The following ALK variants were observed in gnomAD, a reference collection of about 807,000 sequenced individuals.
ALK encodes ALK receptor tyrosine kinase, also known as ALK tyrosine kinase receptor.
A neutral mutation model predicts 163.1 loss-of-function variants in ALK; 74 were observed. The ratio of observed to expected loss-of-function variants is 0.45; its 90% CI spans 0.38 to 0.55. The LOEUF (loss-of-function observed/expected upper bound fraction) is 0.55. Among genes scored for constraint, ALK ranks in the 20% least tolerant of loss-of-function variants. The pLI is 0.00. For missense variants in ALK, 2,063 were observed against 2,105.3 expected (o/e 0.98, Z 0.39); for synonymous variants, 960 against 843.2 (o/e 1.14, Z -2.40).
intron 11 of ALK, among the ~76,000 whole-genome samples, chr2:29,265,849 G>A (rs1665208305): frequency 6.6e-6 from 1 of 152,134 alleles, no homozygotes; most frequent in Non-Finnish European, 1.5e-5. Flanking sequence ...TTAGCTGGGT[G>A]TGGTGGCAGG....
At chr2:29,598,237 G>A (rs1218648223) in intron 3 of ALK, among the ~76,000 whole-genome samples, 3 of 152,160 alleles carry the variant, frequency 2.0e-5, no homozygotes, top group Non-Finnish European at 2.9e-5. Context: ...TGTTGGCCAG[G>A]CTGCTCTCAA....
chr2:29,563,585 A>T (rs1253644315), intron 3 of ALK, among the ~76,000 whole-genome samples: 1 of 152,208 alleles, frequency 6.6e-6, no homozygotes, highest in African/African-American at 2.4e-5. Context: ...TTTGTAACAT[A>T]CAAACCAAGA....
chr2:29,839,093 G>A (rs1023424707), intron 1 of ALK, among the ~76,000 whole-genome samples: 6 of 152,020 alleles, frequency 3.9e-5, no homozygotes, highest in Non-Finnish European at 8.8e-5. Context: ...TATATATTCT[G>A]AAGTTCTAGG....
chr2:29,628,616 T>A (rs1012895207), intron 3 of ALK, among the ~76,000 whole-genome samples: 1 of 152,216 alleles, frequency 6.6e-6, no homozygotes, highest in African/African-American at 2.4e-5. Context: ...ACAGTTCTAT[T>A]TTAAAACTTA....
intron 4 of ALK, among the ~76,000 whole-genome samples, chr2:29,471,184 T>C (rs1671339226): frequency 6.6e-6 from 1 of 152,226 alleles, no homozygotes; most frequent in African/African-American, 2.4e-5. Context: ...CAGGCCAAGT[T>C]GGCTTTATCA....
chr2:29,897,217 G>C (rs1313069389), intron 1 of ALK, among the ~76,000 whole-genome samples: 1 of 152,068 alleles, frequency 6.6e-6, no homozygotes, highest in East Asian at 1.9e-4. Context: ...CTACTCGGAA[G>C]GCTGAGGCAG....
chr2:29,208,414 C>T lies in ALK; in HGVS notation c.3837-1142G>A, dbSNP rs1017486735. Among the ~76,000 whole-genome samples, 7 of 152,110 alleles carry T rather than the reference C, an allele frequency of 4.6e-5. 1 individual carries two copies. The highest frequency in any genetic ancestry group is 7.4e-5 in the Non-Finnish European group (5 of 68,026). ...GAAGGAAAAGTCAGATAACAGAGGG[C>T]TCGAGGAGTCATGCTGCAGCATTTG... On this transcript the variant is annotated intron_variant, in intron 25 of 28. Coordinates refer to ENST00000389048, the MANE Select transcript of ALK (RefSeq NM_004304.5).
At chr2:29,329,205 T>A (rs1667366914) in intron 5 of ALK, among the ~76,000 whole-genome samples, 1 of 152,222 alleles carries the variant, frequency 6.6e-6, no homozygotes, top group African/African-American at 2.4e-5. Context: ...CAGTTTATAA[T>A]GAACATACAG....
In ALK at chr2:29,377,251, C is replaced by T. The variant is rs925439502; in HGVS notation, c.1282+6481G>A. On this transcript the variant is annotated intron_variant, in intron 5 of 28. Transcript: ENST00000389048. ...CCAGCACTTGGGAAGCCAGGGTGGG[C>T]GGATCACGAGGTCAGGAGTTCGAGA... 7.9e-5 allele frequency among the ~76,000 whole-genome samples: 12 copies of T among 152,042 alleles called. No homozygotes were observed. In the South Asian group the frequency reaches 1.7e-3, roughly 21 times the overall value.
In ALK at chr2:29,330,380, TCACACCTTCCTCCC is replaced by T. The variant is rs553511857; in HGVS notation, c.1283-1913_1283-1900del. 6.6e-5 allele frequency among the ~76,000 whole-genome samples: 10 copies of T among 152,258 alleles called. No individual in the cohort carries two copies. In the South Asian group the frequency reaches 2.1e-3, roughly 32 times the overall value. On this transcript the variant is annotated intron_variant, in intron 5 of 28. Transcript: ENST00000389048. Reference sequence around the variant, plus strand: ...TCACAGACACTGCCTGGCACAATCCTCACACCTTCCTCCCCACCTCCATTTGGGGAGCTGCTGCT... The same window carrying T: ...TCACAGACACTGCCTGGCACAATCCTCACCTCCATTTGGGGAGCTGCTGCT...
intron 1 of ALK, among the ~76,000 whole-genome samples, chr2:29,800,015 T>C (rs902437676): frequency 3.9e-5 from 6 of 152,122 alleles, no homozygotes; most frequent in Non-Finnish European, 8.8e-5. Flanking sequence ...GGACTCCAAG[T>C]AGGGGAGGTG....
rs1667947059 is a variant in ALK at position 29,920,056 on chromosome 2, C to G, written c.604G>C (p.Gly202Arg). The G allele has an allele frequency of 6.2e-7, 1 of 1,614,220 alleles. No homozygotes were observed. Among genetic ancestry groups the G allele is most frequent in the East Asian group, 2.2e-5 (1 of 44,876 alleles). Reference protein sequence around the residue: ...EKKASEVGREGRLSAAIRASQ... With the variant: ...EKKASEVGRERRLSAAIRASQ... ...GCGCGAATTGCCGCGGACAGCCTTC[C>G]CTCTCTGCCCACTTCCGACGCCTTC... Residue 202 changes from glycine to arginine, a missense_variant, in exon 1 of 29, where the codon GGA (glycine) becomes CGA (arginine). By Grantham distance (125) the Gly-to-Arg change is moderately radical (BLOSUM62 -2). Around this residue, in one of 5 missense-constraint regions of ALK, gnomAD observed 987 missense variants for 939.5 expected, o/e 1.05. Transcript: ENST00000389048.
chr2:29,690,024 G>A (rs1460804990), intron 3 of ALK, among the ~76,000 whole-genome samples: 1 of 152,194 alleles, frequency 6.6e-6, no homozygotes, highest in Non-Finnish European at 1.5e-5. Context: ...AGAATGAGGA[G>A]AGAATGAATT....
intron 21 of ALK, 31 bp downstream of exon 21, chr2:29,222,486 A>C: frequency 6.2e-7 from 1 of 1,613,964 alleles, no homozygotes; most frequent in Non-Finnish European, 8.5e-7. Flanking sequence ...CCGCAAGCCA[A>C]GGGCAGGCTC....
chr2:29,608,152 A>T (rs1331421094), intron 3 of ALK, among the ~76,000 whole-genome samples: 1 of 152,196 alleles, frequency 6.6e-6, no homozygotes, highest in Non-Finnish European at 1.5e-5. Flanking sequence ...AAATATATGT[A>T]TAAAGAACAC....
intron 1 of ALK, among the ~76,000 whole-genome samples, chr2:29,831,281 G>GAAGAAGAAA (rs1665411427): frequency 8.2e-6 from 1 of 122,576 alleles, no homozygotes; most frequent in African/African-American, 3.2e-5. Context: ...AGAAGAAGAA[G>GAAGAAGAAA]AAGAAGAAGA....
At chr2:29,449,133 A>C (rs1388593011) in intron 4 of ALK, among the ~76,000 whole-genome samples, 1 of 152,192 alleles carries the variant, frequency 6.6e-6, no homozygotes, top group Admixed American at 6.5e-5. Context: ...TGATTTATTT[A>C]TTTGTTCATT....
At chr2:29,376,836 T>C (rs912460822) in intron 5 of ALK, among the ~76,000 whole-genome samples, 2 of 152,256 alleles carry the variant, frequency 1.3e-5, no homozygotes, top group African/African-American at 2.4e-5. Context: ...TTTGAATCTA[T>C]TTGTTCAGCT....
At chr2:29,795,469 C>T (rs902926368) in intron 1 of ALK, among the ~76,000 whole-genome samples, 4 of 152,106 alleles carry the variant, frequency 2.6e-5, no homozygotes, top group South Asian at 2.1e-4. Context: ...TTTAACTCAT[C>T]GAAATCCATC....
Sources: allele counts gnomAD v4.1 joint callset (sites outside exome capture counted in the v4.1 genomes callset), GRCh38; gene constraint gnomAD v4.1.1; regional missense constraint gnomAD v4.1.1; transcripts MANE v1.5; gene names NCBI Gene and HGNC (gene_info 2026-07-23, HGNC 2026-07-21).